Variants in GOLPH3 observed in about 807,000 individuals in gnomAD.
GOLPH3 encodes the protein coat protein GPP34.
A neutral mutation model predicts 28.5 loss-of-function variants in GOLPH3; 14 were observed. The ratio of observed to expected loss-of-function variants is 0.49; its 90% confidence interval spans 0.32 to 0.77. GOLPH3 has a LOEUF of 0.77. Among genes scored for constraint, GOLPH3 ranks in the 30% least tolerant of loss-of-function variants. The probability of loss-of-function intolerance (pLI) is 0.03; values close to 1 mark genes in which losing one functional copy is unlikely to be tolerated. For missense variants in GOLPH3, 350 were observed against 393.7 expected (o/e 0.89, Z 0.94); for synonymous variants, 158 against 159.2 (o/e 0.99, Z 0.06).
chr5:32,127,920 C>T (rs923961892), intron 3 of GOLPH3, among the ~76,000 whole-genome samples: 6 of 152,058 alleles, frequency 3.9e-5, no homozygotes, highest in African/African-American at 1.4e-4. Flanking sequence ...CCTAAGCTTA[C>T]CACCTAGAGG....
intron 1 of GOLPH3, among the ~76,000 whole-genome samples, chr5:32,165,914 A>C (rs1746699802): frequency 6.6e-6 from 1 of 152,226 alleles, no homozygotes; most frequent in Non-Finnish European, 1.5e-5. Flanking sequence ...AACTCGCTAC[A>C]ACCCTGGAAA....
At chr5:32,128,512 A>G (rs1045448706) in intron 3 of GOLPH3, among the ~76,000 whole-genome samples, 1 of 152,124 alleles carries the variant, frequency 6.6e-6, no homozygotes, top group Non-Finnish European at 1.5e-5. Flanking sequence ...GCAAAAAATT[A>G]GCCGGGCATC....
chr5:32,153,034 G>T (rs977653832), intron 1 of GOLPH3, among the ~76,000 whole-genome samples: 1 of 152,116 alleles, frequency 6.6e-6, no homozygotes, highest in African/African-American at 2.4e-5. Flanking sequence ...TATGGTTATT[G>T]TGATATTATC....
intron 1 of GOLPH3, among the ~76,000 whole-genome samples, chr5:32,152,536 A>G (rs547828359): frequency 1.4e-5 from 2 of 145,520 alleles, no homozygotes; most frequent in Admixed American, 1.4e-4. Flanking sequence ...TAATCCCAGC[A>G]CTTCGGGAGG....
At position 32,152,421 on chromosome 5, in the gene GOLPH3, G is replaced by GCC. The variant is rs1355827678; in HGVS notation, c.226-8543_226-8542dup. Among the ~76,000 whole-genome samples the GCC allele has an allele frequency of 2.4e-5, 3 of 124,868 alleles. No homozygotes were observed. In the South Asian group the frequency reaches 8.3e-4, roughly 35 times the overall value. The allele number at this position is 124,868 out of a possible 152,430, so 81.9% of individuals were successfully genotyped here. ...ATTACAGGTATGAGCCACCGCGCCT[G>GCC]CCCCCCCCAGCCTTTTTTTTTTTTT... On this transcript the variant is annotated intron_variant, in intron 1 of 3. Coordinates refer to ENST00000265070, the MANE Select transcript of GOLPH3 (RefSeq NM_022130.4).
intron 3 of GOLPH3, among the ~76,000 whole-genome samples, chr5:32,130,666 T>C (rs543001994): frequency 4.4e-4 from 67 of 152,280 alleles, no homozygotes; most frequent in African/African-American, 1.5e-3. Flanking sequence ...GATCTACAGT[T>C]AAACTTCTCT....
intron 2 of GOLPH3, among the ~76,000 whole-genome samples, chr5:32,142,916 C>T (rs11742953): frequency 0.027 from 4,006 of 150,124 alleles, 126 homozygotes; most frequent in East Asian, 0.14. Flanking sequence ...AGTGAGGAGC[C>T]CCTCTGCCCG....
At chr5:32,167,188 T>C (rs1746734266) in intron 1 of GOLPH3, among the ~76,000 whole-genome samples, 1 of 152,236 alleles carries the variant, frequency 6.6e-6, no homozygotes, top group Admixed American at 6.5e-5. Flanking sequence ...TTTTGTCTTT[T>C]GAGATGGAGT....
chr5:32,145,364 G>A (rs1219762448), intron 1 of GOLPH3, among the ~76,000 whole-genome samples: 1 of 152,206 alleles, frequency 6.6e-6, no homozygotes, highest in Non-Finnish European at 1.5e-5. Context: ...ATCAAATGAA[G>A]ATTACCAGAG....
intron 1 of GOLPH3, among the ~76,000 whole-genome samples, chr5:32,164,687 G>A (rs781523332): frequency 3.3e-5 from 5 of 151,882 alleles, no homozygotes; most frequent in South Asian, 2.1e-4. Context: ...GAGCTACCGC[G>A]CCCGGCCAAG....
At chr5:32,129,275 C>T (rs955521937) in intron 3 of GOLPH3, among the ~76,000 whole-genome samples, 1 of 152,156 alleles carries the variant, frequency 6.6e-6, no homozygotes, top group Non-Finnish European at 1.5e-5. Context: ...ATTTACTCAT[C>T]TATAAAGTGA....
chr5:32,132,310 T>C (rs1167725883), intron 3 of GOLPH3, among the ~76,000 whole-genome samples: 1 of 152,210 alleles, frequency 6.6e-6, no homozygotes, highest in Non-Finnish European at 1.5e-5. Context: ...CCCCTGGGTA[T>C]CCTCCACCCC....
chr5:32,130,147 AT>A (rs1247672334), intron 3 of GOLPH3, among the ~76,000 whole-genome samples: 1 of 152,140 alleles, frequency 6.6e-6, no homozygotes, highest in Non-Finnish European at 1.5e-5. Context: ...AGCCACTTCC[AT>A]TTTTTTATAA....
chr5:32,173,396 A>G lies in GOLPH3; in HGVS notation c.225+414T>C, dbSNP rs562571793. ...GATCCGGGCACCCCTCCCAGGTCCT[A>G]AAGCCTGCAAAAACCCAAAGAGTTC... On this transcript the variant is annotated intron_variant, in intron 1 of 3. Coordinates refer to ENST00000265070, the MANE Select transcript of GOLPH3 (RefSeq NM_022130.4). Among the ~76,000 whole-genome samples, 6 of 151,482 alleles carry G rather than the reference A, an allele frequency of 4.0e-5. No homozygotes were observed. In the South Asian group the frequency reaches 1.3e-3, roughly 32 times the overall value.
intron 2 of GOLPH3, among the ~76,000 whole-genome samples, chr5:32,139,457 T>G (rs1746009641): frequency 6.6e-6 from 1 of 152,264 alleles, no homozygotes; most frequent in Admixed American, 6.5e-5. Context: ...GTTTTTCACT[T>G]GGATTAATTT....
At chr5:32,143,615 G>T in intron 2 of GOLPH3, 134 bp downstream of exon 2, 1 of 780,346 alleles carries the variant, frequency 1.3e-6, no homozygotes, top group Non-Finnish European at 2.0e-6. Flanking sequence ...ATGCAAAAAA[G>T]ATATGGAAAT....
intron 1 of GOLPH3, among the ~76,000 whole-genome samples, chr5:32,161,591 G>A (rs1188105125): frequency 6.6e-6 from 1 of 151,266 alleles, no homozygotes; most frequent in African/African-American, 2.5e-5. Flanking sequence ...CTTTACATGT[G>A]CTATTTTATT....
At chr5:32,151,975 T>C (rs1349100890) in intron 1 of GOLPH3, among the ~76,000 whole-genome samples, 2 of 152,172 alleles carry the variant, frequency 1.3e-5, no homozygotes, top group Non-Finnish European at 2.9e-5. Flanking sequence ...TAGTAGCTAT[T>C]GTTTAATGGA....
chr5:32,156,993 T>G (rs1746446208), intron 1 of GOLPH3, among the ~76,000 whole-genome samples: 1 of 152,224 alleles, frequency 6.6e-6, no homozygotes, highest in South Asian at 2.1e-4. Context: ...GCCATCCACA[T>G]GTGTAAGTTA....
Sources: gnomAD v4.1 joint callset for allele counts (sites outside exome capture counted in the v4.1 genomes callset) on GRCh38, gnomAD v4.1.1 for gene constraint, MANE v1.5 for transcripts, NCBI Gene and HGNC (gene_info 2026-07-23, HGNC 2026-07-21) for gene names.